RASAL1: variants seen among roughly 807,000 people sequenced by gnomAD.
RASAL1 encodes the protein rasGAP-activating-like protein 1.
Under a neutral mutation model 96.6 loss-of-function variants are expected in RASAL1, and 72 were observed. The ratio of observed to expected loss-of-function variants is 0.75; its 90% confidence interval spans 0.62 to 0.91. The LOEUF (loss-of-function observed/expected upper bound fraction) is 0.91, where lower values mean the gene tolerates loss of function less well. Among genes scored for constraint, RASAL1 ranks in the 40% least tolerant of loss-of-function variants. The pLI, the probability that RASAL1 is intolerant of heterozygous loss-of-function variation, is 0.00. For missense variants in RASAL1, 1,016 were observed against 1,072.5 expected (o/e 0.95, Z 0.74); for synonymous variants, 405 against 430.4 (o/e 0.94, Z 0.73).
chr12:113,109,041 GTGTT>G (rs1287487160), intron 13 of RASAL1, among the ~76,000 whole-genome samples: 179 of 39,024 alleles, frequency 4.6e-3, no homozygotes, highest in Middle Eastern at 0.015. Context: ...TTTTTTGTGT[GTGTT>G]TTTTTTTTTT....
rs1210025013 is a variant in RASAL1, at chr12:113,112,944, T to TCC, written c.1182-668_1182-667dup. Among the ~76,000 whole-genome samples the TCC allele has an allele frequency of 3.0e-5, 3 of 101,254 alleles. No individual in the cohort carries two copies. The East Asian group carries it at 8.4e-4, about 28-fold the overall frequency. The allele number at this position is 101,254 out of a possible 152,430, so 66.4% of individuals were successfully genotyped here. On this transcript the variant is annotated intron_variant, in intron 12 of 20. Coordinates refer to ENST00000548055, the MANE Select transcript of RASAL1 (RefSeq NM_001301202.2). ...TGCAGCCTGGGTGACACAGCGAGAC[T>TCC]CCATCTCAAAAAATAAATAAATAAA...
At chr12:113,103,506 T>C (rs1950534222) in intron 18 of RASAL1, among the ~76,000 whole-genome samples, 1 of 151,716 alleles carries the variant, frequency 6.6e-6, no homozygotes, top group Non-Finnish European at 1.5e-5. Context: ...GTCAGGAGGC[T>C]GAGGCAGGAG....
chr12:113,099,974 CTGG>C lies in RASAL1; in HGVS notation c.2370_2372del (p.Phe790_Gln791delinsLeu). The C allele has an allele frequency of 6.2e-7, 1 of 1,613,756 alleles. No homozygotes were observed. Among genetic ancestry groups the C allele is most frequent in the Non-Finnish European group, 8.5e-7 (1 of 1,179,748 alleles). Reference sequence around the variant, plus strand: ...GGGCCGCCTTCCCTCGCTCCTGCTGCTGGAACTCCTCGTGGGCACGATCCAGGT... The same window carrying C: ...GGGCCGCCTTCCCTCGCTCCTGCTGCAACTCCTCGTGGGCACGATCCAGGT... On this transcript the variant is annotated inframe_deletion, in exon 21 of 21. Coordinates refer to ENST00000548055, the MANE Select transcript of RASAL1 (RefSeq NM_001301202.2).
chr12:113,119,597 G>A (rs138807317), intron 5 of RASAL1, among the ~76,000 whole-genome samples, 154 bp from the exon 6 acceptor site: 194 of 152,296 alleles, frequency 1.3e-3, no homozygotes, highest in Non-Finnish European at 2.1e-3. Context: ...AACCATGACC[G>A]TCCAAACCCA....
At chr12:113,126,010 T>G (rs2136233627) in intron 4 of RASAL1, among the ~76,000 whole-genome samples, 1 of 152,290 alleles carries the variant, frequency 6.6e-6, no homozygotes, top group South Asian at 2.1e-4. Flanking sequence ...ACAGGCCGGG[T>G]GCAGTGGCTT....
chr12:113,115,250 G>A lies in RASAL1; in HGVS notation c.1018C>T (p.Leu340Phe), dbSNP rs1465312992. The part of the protein sequence containing the change: ...EVARTMDPNT[L>F]FRSNSLASKS... ...GATGCCAGGGAGTTAGAACGGAAGA[G>A]GGTGTTGGGGTCCACTGGGAGGACA... The change falls in exon 11 of 21, where the codon CTC (leucine) becomes TTC (phenylalanine). Residue 340 changes from leucine to phenylalanine, a missense_variant. Coordinates refer to ENST00000548055, the MANE Select transcript of RASAL1 (RefSeq NM_001301202.2). The surrounding 1 kb of genome is among the most constrained non-coding windows in gnomAD (Gnocchi z 4.1). The A allele has an allele frequency of 6.2e-7, 1 of 1,613,794 alleles. No individual in the cohort carries two copies. The highest frequency in any genetic ancestry group is 8.5e-7 in the Non-Finnish European group (1 of 1,179,678).
intron 7 of RASAL1, 123 bp downstream of exon 7, chr12:113,119,005 G>C (rs989665508): frequency 6.6e-5 from 82 of 1,241,564 alleles, no homozygotes; most frequent in Non-Finnish European, 9.0e-5. Flanking sequence ...CTAACCAGGG[G>C]AACCTGATGA....
chr12:113,121,625 C>G lies in RASAL1; in HGVS notation c.312G>C (p.Trp104Cys). 6.2e-7 allele frequency: 1 copy of G among 1,614,240 alleles called. No individual in the cohort carries two copies. Among genetic ancestry groups the G allele is most frequent in the Non-Finnish European group, 8.5e-7 (1 of 1,180,040 alleles). ...CTGGGTCCACTCGGCTCAAGTTAAT[C>G]CAGCTGTCAATCCCTGAAGGGCACA... ...ITADPRGIDS[W>C]INLSRVDPDA... Residue 104 changes from tryptophan to cysteine, a missense_variant, in exon 5 of 21, where the codon TGG becomes TGC. Coordinates refer to ENST00000548055, the MANE Select transcript of RASAL1 (RefSeq NM_001301202.2).
chr12:113,120,163 C>T (rs1951239725), intron 5 of RASAL1, among the ~76,000 whole-genome samples: 1 of 152,224 alleles, frequency 6.6e-6, no homozygotes, highest in Non-Finnish European at 1.5e-5. Flanking sequence ...CACCCCCACA[C>T]CAGGGGCTGC....
In RASAL1 at chr12:113,130,033, C is replaced by A. The variant is rs375993512; in HGVS notation, c.122+852G>T. On this transcript the variant is annotated intron_variant, in intron 2 of 20. Transcript: ENST00000548055. This position sits in a 1 kb window ranked among gnomAD's most constrained non-coding sequence, Gnocchi z 5.1. Reference sequence around the variant, plus strand: ...CAGTGGAGGGGGGAGCTACAGCTGACCCCTCCCCCAGGCAGGCTCCCCACC... The same window carrying A: ...CAGTGGAGGGGGGAGCTACAGCTGAACCCTCCCCCAGGCAGGCTCCCCACC... Among the ~76,000 whole-genome samples, 2 of 151,980 alleles carry A rather than the reference C, an allele frequency of 1.3e-5. No homozygotes were observed. Among genetic ancestry groups the A allele is most frequent in the East Asian group, 1.9e-4 (1 of 5,178 alleles).
At chr12:113,108,481 T>C (rs1950729271) in intron 13 of RASAL1, among the ~76,000 whole-genome samples, 1 of 152,188 alleles carries the variant, frequency 6.6e-6, no homozygotes, top group Non-Finnish European at 1.5e-5. Context: ...CCAAGCACTA[T>C]GCCAAGAGCA....
intron 1 of RASAL1, among the ~76,000 whole-genome samples, chr12:113,131,246 GT>G (rs1233082852): frequency 2.7e-5 from 4 of 147,338 alleles, no homozygotes; most frequent in Admixed American, 6.7e-5. Flanking sequence ...CAGAGCGTGT[GT>G]GGGGGGGGTG....
Position 113,100,662 on chromosome 12 carries a change from A to C in RASAL1, c.2244T>G (p.Asp748Glu). 1 of 1,609,724 alleles carries C rather than the reference A, an allele frequency of 6.2e-7. No individual in the cohort carries two copies. Among genetic ancestry groups the C allele is most frequent in the South Asian group, 1.1e-5 (1 of 91,024 alleles). Residue 748 changes from aspartate to glutamate, a missense_variant, in exon 20 of 21, where the codon GAT becomes GAG. Physicochemically the swap from Asp to Glu is conservative, Grantham distance 45. Coordinates refer to ENST00000548055, the MANE Select transcript of RASAL1 (RefSeq NM_001301202.2). Reference protein sequence around the residue: ...RDQLRLKLLEDSNMDTTLEAD... With the variant: ...RDQLRLKLLEESNMDTTLEAD... ...CCTCCAGAGTTGTATCCATGTTAGA[A>C]TCCTCCAGTAATTTCAGCCTGGAAG...
At chr12:113,103,851 TGCCCAAGGTTGCACAGCCA>T in intron 18 of RASAL1, 76 bp downstream of exon 18, 1 of 1,503,548 alleles carries the variant, frequency 6.7e-7, no homozygotes, top group Non-Finnish European at 9.0e-7. Context: ...TTGAGTAACT[TGCCCAAGGTTGCACAGCCA>T]GCCCAGGCGG....
In RASAL1 at chr12:113,101,980, C is replaced by G. The variant is rs776452112; in HGVS notation, c.2134G>C (p.Val712Leu). Reference protein sequence around the residue: ...AAGCSRTHSAVTLGDWSDPLD... With the variant: ...AAGCSRTHSALTLGDWSDPLD... The stretch of plus-strand genomic sequence containing the variant: ...GGGTCACTCCAGTCCCCCAGGGTGA[C>G]AGCTGAGTGTGTACGGCTGCAGCCG... Residue 712 changes from valine to leucine, a missense_variant, in exon 19 of 21, where the codon GTC becomes CTC. Val to Leu is a conservative substitution (Grantham distance 32, BLOSUM62 1). Coordinates refer to ENST00000548055, the MANE Select transcript of RASAL1 (RefSeq NM_001301202.2). The G allele has an allele frequency of 3.1e-6, 5 of 1,614,008 alleles. No individual in the cohort carries two copies. The highest frequency in any genetic ancestry group is 2.7e-5 in the African/African-American group (2 of 74,950).
intron 8 of RASAL1, 149 bp from the exon 9 acceptor site, chr12:113,116,200 T>C: frequency 3.6e-6 from 2 of 560,892 alleles, no homozygotes; most frequent in South Asian, 5.6e-5. Context: ...TGAAGCCCCA[T>C]CTCTACTAAA....
Position 113,115,852 on chromosome 12 carries a change from A to G in RASAL1, c.850-64T>C. 2 of 1,600,320 alleles carry G rather than the reference A, an allele frequency of 1.2e-6. No homozygotes were observed. The highest frequency in any genetic ancestry group is 2.2e-5 in the East Asian group (1 of 44,646). On this transcript the variant is annotated intron_variant, in intron 9 of 20. Transcript: ENST00000548055. The surrounding 1 kb of genome is among the most constrained non-coding windows in gnomAD (Gnocchi z 4.1). ...GGGACCCCAAAGCAGATGGGCCTAG[A>G]TAGGGCTCCGTGAGGCAGGGGGAGG...
chr12:113,115,448 CA>C lies in RASAL1; in HGVS notation c.1004-185del, dbSNP rs1204622654. Among the ~76,000 whole-genome samples, 2 of 152,188 alleles carry C rather than the reference CA, an allele frequency of 1.3e-5. No homozygotes were observed. Among genetic ancestry groups the C allele is most frequent in the Non-Finnish European group, 2.9e-5 (2 of 68,032 alleles). ...GAATTGCCTGAGGTCACACAGCCCA[CA>C]AGTAGCAAAGCCAGGGCCTGAACCT... On this transcript the variant is annotated intron_variant, in intron 10 of 20. Coordinates refer to ENST00000548055, the MANE Select transcript of RASAL1 (RefSeq NM_001301202.2). This position sits in a 1 kb window ranked among gnomAD's most constrained non-coding sequence, Gnocchi z 4.1.
At position 113,105,769 on chromosome 12, in the gene RASAL1, C is replaced by G; in HGVS notation, c.1775G>C (p.Arg592Pro). Reference sequence around the variant, plus strand: ...GGTCTCCCCGCTGAGCCAGACGTAGCGCTTCTTGAAGGCAAAGCGCGTGGC... The same window carrying G: ...GGTCTCCCCGCTGAGCCAGACGTAGGGCTTCTTGAAGGCAAAGCGCGTGGC... ...GLATRFAFKK[R>P]YVWLSGETLS... Residue 592 changes from arginine to proline, a missense_variant, in exon 16 of 21, where the codon CGC becomes CCC. Arg to Pro is a moderately radical substitution (Grantham distance 103). Coordinates refer to ENST00000548055, the MANE Select transcript of RASAL1 (RefSeq NM_001301202.2). 8.7e-6 allele frequency: 14 copies of G among 1,614,096 alleles called. No individual in the cohort carries two copies. Among genetic ancestry groups the G allele is most frequent in the Non-Finnish European group, 1.2e-5 (14 of 1,179,956 alleles).
Sources: gnomAD v4.1 joint callset for allele counts (sites outside exome capture counted in the v4.1 genomes callset) on GRCh38, gnomAD v4.1.1 for gene constraint, Gnocchi (gnomAD v3.1) non-coding constraint, MANE v1.5 for transcripts, NCBI Gene and HGNC (gene_info 2026-07-23, HGNC 2026-07-21) for gene names.